Variants in DDAH1 observed in about 807,000 individuals in gnomAD.
DDAH1 encodes the protein dimethylarginine dimethylaminohydrolase 1, also known as N(G),N(G)-dimethylarginine dimethylaminohydrolase 1.
A neutral mutation model predicts 28.8 loss-of-function variants in DDAH1; 19 were observed. The observed-to-expected ratio is 0.66, with a 90% CI of 0.46 to 0.97. The LOEUF (loss-of-function observed/expected upper bound fraction) is 0.97, where lower values mean the gene tolerates loss of function less well. Ranked by LOEUF, DDAH1 falls within the 50% of genes least tolerant of loss-of-function variation. The pLI, the probability that DDAH1 is intolerant of heterozygous loss-of-function variation, is 0.00. For synonymous variants in DDAH1, 153 were observed against 154.4 expected (o/e 0.99, Z 0.07); for missense variants, 326 against 375.9 (o/e 0.87, Z 1.10).
intron 1 of DDAH1, among the ~76,000 whole-genome samples, chr1:85,541,912 A>G (rs1308587732): frequency 6.6e-6 from 1 of 152,162 alleles, no homozygotes; most frequent in African/African-American, 2.4e-5. Context: ...TTGATCTTGG[A>G]CTTCCCAGCT....
intron 1 of DDAH1, among the ~76,000 whole-genome samples, chr1:85,570,867 T>C (rs1570684523): frequency 1.3e-5 from 2 of 151,090 alleles, no homozygotes; most frequent in Non-Finnish European, 3.0e-5. Flanking sequence ...AAAGGCGAAG[T>C]GGTGGTAACA....
At chr1:85,344,830 G>A (rs1193395013) in intron 4 of DDAH1, among the ~76,000 whole-genome samples, 1 of 152,054 alleles carries the variant, frequency 6.6e-6, no homozygotes, top group African/African-American at 2.4e-5. Context: ...ATGTGGTATA[G>A]ATTTACTCTT....
At chr1:85,444,151 T>C (rs1419149071) in intron 1 of DDAH1, among the ~76,000 whole-genome samples, 1 of 152,228 alleles carries the variant, frequency 6.6e-6, no homozygotes, top group Non-Finnish European at 1.5e-5. Flanking sequence ...GGCTGTGGTT[T>C]TGTCATAAAT....
rs527594233 is a variant in DDAH1 at position 85,450,165 on chromosome 1, C to T, written c.303+14578G>A. Among the ~76,000 whole-genome samples the T allele has an allele frequency of 5.8e-4, 88 of 152,226 alleles. 1 individual carries two copies. Among genetic ancestry groups the T allele is most frequent in the Middle Eastern group, 3.4e-3 (1 of 294 alleles). On this transcript the variant is annotated intron_variant, in intron 1 of 5. Coordinates refer to ENST00000284031, the MANE Select transcript of DDAH1 (RefSeq NM_012137.4). ...GTATTTTTAATTACACATATATTTG[C>T]GATTATTTATTTCATGCTTATCTCT... is the stretch of plus-strand genomic sequence containing the variant.
chr1:85,558,213 T>C (rs1659040069), intron 1 of DDAH1, among the ~76,000 whole-genome samples: 1 of 152,054 alleles, frequency 6.6e-6, no homozygotes, highest in Non-Finnish European at 1.5e-5. Flanking sequence ...AATACAAAAA[T>C]TAGCTGGGCC....
intron 1 of DDAH1, among the ~76,000 whole-genome samples, chr1:85,519,004 T>C (rs1657572020): frequency 6.6e-6 from 1 of 151,894 alleles, no homozygotes; most frequent in Non-Finnish European, 1.5e-5. Context: ...TATTCAAAAG[T>C]TATAACTGCA....
chr1:85,401,739 G>A (rs1197508831), intron 1 of DDAH1, among the ~76,000 whole-genome samples: 1 of 151,938 alleles, frequency 6.6e-6, no homozygotes. Flanking sequence ...CTGCACTCAA[G>A]TGATCCACCC....
At chr1:85,372,370 T>G (rs1650428660) in intron 1 of DDAH1, among the ~76,000 whole-genome samples, 1 of 152,156 alleles carries the variant, frequency 6.6e-6, no homozygotes, top group Admixed American at 6.6e-5. Flanking sequence ...TAACATTGTG[T>G]TAAAAAATAG....
chr1:85,350,547 T>A lies in DDAH1; in HGVS notation c.478-13A>T. 1.2e-6 allele frequency: 2 copies of A among 1,609,104 alleles called. No homozygotes were observed. The highest frequency in any genetic ancestry group is 1.7e-6 in the Non-Finnish European group (2 of 1,178,700). Reference sequence around the variant, plus strand: ...AGACTGCATAGTCCTACGTGGACAATAGAAAAACAAGCAGTTTAGTATTGC... The same window carrying A: ...AGACTGCATAGTCCTACGTGGACAAAAGAAAAACAAGCAGTTTAGTATTGC... On this transcript the variant is annotated splice_polypyrimidine_tract_variant and intron_variant, in intron 3 of 5. Transcript: ENST00000284031.
intron 1 of DDAH1, among the ~76,000 whole-genome samples, chr1:85,539,011 C>G (rs2773148): frequency 6.6e-6 from 1 of 152,190 alleles, no homozygotes; most frequent in Non-Finnish European, 1.5e-5. Flanking sequence ...TCTTTTCCCC[C>G]ACTATTCCCT....
rs541196893 is a variant in DDAH1 at position 85,354,920 on chromosome 1, G to A, written c.404-3341C>T. Among the ~76,000 whole-genome samples the A allele has an allele frequency of 7.2e-4, 109 of 152,028 alleles. 1 individual carries two copies. In the Middle Eastern group the frequency reaches 0.01, roughly 14 times the overall value. ...GAACAGAGTAAAAAGAAAGAAATGTGAAGGAAGGAAATACAGAAACAGAAA... is the reference window on the plus strand; with the variant it reads ...GAACAGAGTAAAAAGAAAGAAATGTAAAGGAAGGAAATACAGAAACAGAAA... On this transcript the variant is annotated intron_variant, in intron 2 of 5. Transcript: ENST00000284031.
At chr1:85,359,275 C>CAGTT (rs1649658900) in intron 1 of DDAH1, among the ~76,000 whole-genome samples, 2 of 152,156 alleles carry the variant, frequency 1.3e-5, no homozygotes, top group African/African-American at 4.8e-5. Flanking sequence ...GGAGTCTGAC[C>CAGTT]AGTTAGCACA....
At chr1:85,552,104 A>C (rs899736228) in intron 1 of DDAH1, among the ~76,000 whole-genome samples, 17 of 152,354 alleles carry the variant, frequency 1.1e-4, no homozygotes, top group African/African-American at 4.1e-4. Flanking sequence ...CTTTGCTGAA[A>C]GAAGGCCCAA....
intron 1 of DDAH1, among the ~76,000 whole-genome samples, chr1:85,416,647 C>T (rs535312172): frequency 6.6e-6 from 1 of 152,274 alleles, no homozygotes; most frequent in East Asian, 1.9e-4. Flanking sequence ...GTGGATCAGA[C>T]AACTGAACTG....
chr1:85,496,347 TG>T (rs1177321255), intron 1 of DDAH1: 1 of 271,332 alleles, frequency 3.7e-6, no homozygotes, highest in East Asian at 1.8e-4. Context: ...AATATATTTC[TG>T]TGATGAAATA....
intron 1 of DDAH1, among the ~76,000 whole-genome samples, chr1:85,415,147 TG>T (rs555936334): frequency 2.6e-5 from 4 of 151,522 alleles, no homozygotes; most frequent in African/African-American, 9.7e-5. Context: ...CCTGAGTAGC[TG>T]GGATTACAGG....
intron 1 of DDAH1, among the ~76,000 whole-genome samples, chr1:85,392,236 C>T (rs886212492): frequency 9.2e-5 from 14 of 152,052 alleles, no homozygotes; most frequent in African/African-American, 2.9e-4. Flanking sequence ...CGTTCCTTGG[C>T]TTATAGATAG....
chr1:85,528,262 C>A (rs1420593387), intron 1 of DDAH1, among the ~76,000 whole-genome samples: 1 of 151,668 alleles, frequency 6.6e-6, no homozygotes, highest in East Asian at 1.9e-4. Flanking sequence ...TCTACCCTTA[C>A]CAAGTGTGAT....
chr1:85,553,099 A>G (rs907396272), intron 1 of DDAH1, among the ~76,000 whole-genome samples: 2 of 152,116 alleles, frequency 1.3e-5, no homozygotes, highest in Non-Finnish European at 2.9e-5. Flanking sequence ...ATGTATTCCA[A>G]TAGATAGTCC....
Sources: gnomAD v4.1 joint callset for allele counts (sites outside exome capture counted in the v4.1 genomes callset) on GRCh38, gnomAD v4.1.1 for gene constraint, MANE v1.5 for transcripts, NCBI Gene and HGNC (gene_info 2026-07-23, HGNC 2026-07-21) for gene names.